The following PCDH15 variants were observed in gnomAD, a reference collection of about 807,000 sequenced individuals.
PCDH15 encodes protocadherin related 15.
In PCDH15, 129 loss-of-function variants were observed where a neutral mutation model predicts 178.5. The observed-to-expected ratio is 0.72, with a 90% confidence interval of 0.63 to 0.84. PCDH15 has a LOEUF of 0.84. Ranked by LOEUF, PCDH15 falls within the 40% of genes least tolerant of loss-of-function variation. The pLI is 0.00. For synonymous variants in PCDH15, 800 were observed against 732.0 expected (o/e 1.09, Z -1.50); for missense variants, 2,230 against 2,099.9 (o/e 1.06, Z -1.21).
intron 26 of PCDH15, among the ~76,000 whole-genome samples, chr10:53,885,966 C>G (rs1376023172): frequency 6.6e-6 from 1 of 152,038 alleles, no homozygotes; most frequent in Non-Finnish European, 1.5e-5. Flanking sequence ...AAGAGAGGCC[C>G]AGTATTCAGT....
At chr10:55,274,776 A>G (rs1053371252) in intron 1 of PCDH15, among the ~76,000 whole-genome samples, 26 of 152,010 alleles carry the variant, frequency 1.7e-4, no homozygotes, top group African/African-American at 6.3e-4. Flanking sequence ...TCGGGATGAA[A>G]CTGTTCCATC....
chr10:54,324,110 G>C (rs1438004128), intron 7 of PCDH15, among the ~76,000 whole-genome samples: 4 of 152,020 alleles, frequency 2.6e-5, no homozygotes, highest in Non-Finnish European at 4.4e-5. Flanking sequence ...TTAAAACAAT[G>C]GGGTTACAAT....
intron 1 of PCDH15, among the ~76,000 whole-genome samples, chr10:54,677,685 T>C (rs1276482920): frequency 2.0e-5 from 3 of 152,320 alleles, no homozygotes; most frequent in Admixed American, 6.5e-5. Flanking sequence ...ATTTTTTCCA[T>C]CTTCCAATTT....
chr10:54,188,820 T>A (rs2048704379), intron 11 of PCDH15, among the ~76,000 whole-genome samples: 1 of 151,910 alleles, frequency 6.6e-6, no homozygotes. Context: ...TGCACATATA[T>A]AGGCACATAC....
At chr10:55,012,749 C>A (rs958982880) in intron 2 of PCDH15, among the ~76,000 whole-genome samples, 1 of 152,016 alleles carries the variant, frequency 6.6e-6, no homozygotes, top group East Asian at 1.9e-4. Flanking sequence ...ATTTACTTAA[C>A]GACCATTACA....
At chr10:53,988,974 A>G (rs2091290701) in intron 21 of PCDH15, among the ~76,000 whole-genome samples, 1 of 152,206 alleles carries the variant, frequency 6.6e-6, no homozygotes, top group Admixed American at 6.5e-5. Context: ...GCACTGTCAC[A>G]AGGTCAAACA....
intron 1 of PCDH15, among the ~76,000 whole-genome samples, chr10:54,691,017 G>A (rs915522842): frequency 6.6e-6 from 1 of 151,872 alleles, no homozygotes; most frequent in East Asian, 1.9e-4. Flanking sequence ...GTAAATGAAA[G>A]TACAAAATAA....
At chr10:54,069,651 A>G (rs960206219) in intron 17 of PCDH15, among the ~76,000 whole-genome samples, 2 of 152,168 alleles carry the variant, frequency 1.3e-5, no homozygotes, top group Non-Finnish European at 2.9e-5. Context: ...TCTATTGACT[A>G]TTGTTCTGAA....
intron 1 of PCDH15, among the ~76,000 whole-genome samples, chr10:54,712,983 G>T (rs1024554830): frequency 6.6e-6 from 1 of 151,974 alleles, no homozygotes; most frequent in Non-Finnish European, 1.5e-5. Flanking sequence ...TGAAAATTAC[G>T]AAGATAGCTT....
intron 1 of PCDH15, among the ~76,000 whole-genome samples, chr10:54,765,987 C>CTAAA (rs1948466603): frequency 1.3e-5 from 2 of 152,200 alleles, no homozygotes; most frequent in South Asian, 4.1e-4. Flanking sequence ...GATCTGTTGT[C>CTAAA]TAAATGGTAA....
chr10:55,438,401 A>G (rs573796877), intron 2 of PCDH15, among the ~76,000 whole-genome samples: 1 of 152,286 alleles, frequency 6.6e-6, no homozygotes, highest in East Asian at 1.9e-4. Flanking sequence ...TTAAAGTAGA[A>G]ACAACAGCCA....
At chr10:55,199,577 T>C (rs562471081) in intron 1 of PCDH15, among the ~76,000 whole-genome samples, 2 of 152,114 alleles carry the variant, frequency 1.3e-5, no homozygotes, top group African/African-American at 2.4e-5. Context: ...GAAATTTATA[T>C]AAGTAAAGAA....
At chr10:54,624,478 C>T (rs188195376) in intron 2 of PCDH15, among the ~76,000 whole-genome samples, 1 of 152,328 alleles carries the variant, frequency 6.6e-6, no homozygotes, top group Admixed American at 6.5e-5. Context: ...TAGTAAGATA[C>T]TGCAGTAGGG....
At chr10:54,462,482 T>TTTCTTTTCTA (rs1048275194) in intron 3 of PCDH15, among the ~76,000 whole-genome samples, 2 of 137,060 alleles carry the variant, frequency 1.5e-5, no homozygotes, top group Non-Finnish European at 3.0e-5. Context: ...CTTTCTTTCT[T>TTTCTTTTCTA]TTCTTTTCTT....
chr10:54,059,641 T>C (rs1471631921), intron 18 of PCDH15, among the ~76,000 whole-genome samples: 1 of 152,210 alleles, frequency 6.6e-6, no homozygotes, highest in African/African-American at 2.4e-5. Context: ...GTATAGAGTA[T>C]AGCAGTCTGC....
chr10:55,130,305 G>A (rs1429573918), intron 2 of PCDH15, among the ~76,000 whole-genome samples: 1 of 152,094 alleles, frequency 6.6e-6, no homozygotes, highest in African/African-American at 2.4e-5. Flanking sequence ...GCTTGTATCT[G>A]GGGAGGAAGA....
intron 2 of PCDH15, among the ~76,000 whole-genome samples, chr10:55,565,587 T>A (rs1842285597): frequency 6.6e-6 from 1 of 151,572 alleles, no homozygotes; most frequent in Non-Finnish European, 1.5e-5. Flanking sequence ...ACAACGTTAG[T>A]AAACTTTTAG....
At chr10:55,187,844 C>T (rs1474791365) in intron 1 of PCDH15, among the ~76,000 whole-genome samples, 1 of 151,786 alleles carries the variant, frequency 6.6e-6, no homozygotes, top group African/African-American at 2.4e-5. Context: ...ATGGTAATTC[C>T]AGATGGAAAG....
chr10:54,031,888 C>T (rs1188400622), intron 18 of PCDH15, among the ~76,000 whole-genome samples: 1 of 151,958 alleles, frequency 6.6e-6, no homozygotes, highest in African/African-American at 2.4e-5. Context: ...TGTCTTTTCC[C>T]TTTTTCAAAT....
Sources: gnomAD v4.1 joint callset for allele counts (sites outside exome capture counted in the v4.1 genomes callset) on GRCh38, gnomAD v4.1.1 for gene constraint, MANE v1.5 for transcripts, NCBI Gene and HGNC (gene_info 2026-07-23, HGNC 2026-07-21) for gene names.